Variants in CPXM2 observed in about 807,000 individuals in gnomAD.
CPXM2 encodes carboxypeptidase X, M14 family member 2, also known as inactive carboxypeptidase-like protein X2.
In CPXM2, 66 loss-of-function variants were observed where a neutral mutation model predicts 86.1. The observed-to-expected ratio is 0.77, with a 90% confidence interval of 0.63 to 0.94. The LOEUF is 0.94. CPXM2 is among the 40% of genes least tolerant of loss of function. The pLI, the probability that CPXM2 is intolerant of heterozygous loss-of-function variation, is 0.00. For missense variants in CPXM2, 948 were observed against 1,026.3 expected, an observed-to-expected ratio of 0.92 and a Z score of 1.04; for synonymous variants, 388 against 400.2, an observed-to-expected ratio of 0.97 and a Z score of 0.36.
chr10:123,771,230 C>T (rs727416), intron 7 of CPXM2, among the ~76,000 whole-genome samples, 191 bp from the exon 8 acceptor site: 76,603 of 151,888 alleles, frequency 0.5, 19,777 homozygotes, highest in East Asian at 0.74. Context: ...GGATAATGCC[C>T]ACTTTCCTTC....
intron 6 of CPXM2, among the ~76,000 whole-genome samples, chr10:123,783,303 T>C (rs1334101025): frequency 5.9e-5 from 9 of 152,270 alleles, no homozygotes; most frequent in Non-Finnish European, 1.2e-4. Flanking sequence ...TCTTGAATTC[T>C]TTCTTGCACG....
chr10:123,927,147 C>T (rs541882302), intron 2 of CPXM2, among the ~76,000 whole-genome samples: 29 of 152,316 alleles, frequency 1.9e-4, no homozygotes, highest in Admixed American at 7.8e-4. Context: ...TCCCCTCATG[C>T]ATGCCAAGCT....
chr10:123,783,116 C>T lies in CPXM2; in HGVS notation c.890-2861G>A, dbSNP rs201009881. On this transcript the variant is annotated intron_variant, in intron 6 of 13. Coordinates refer to ENST00000241305, the MANE Select transcript of CPXM2 (RefSeq NM_198148.3). ...GAGGGACCCTCAGTTCCGGGAATTG[C>T]CCACCTCTTTCCCAGAAAACTCATT... is the stretch of plus-strand genomic sequence containing the variant. 1.3e-4 allele frequency among the ~76,000 whole-genome samples: 20 copies of T among 152,372 alleles called. No homozygotes were observed. The East Asian group carries it at 3.9e-3, about 29-fold the overall frequency.
At chr10:123,921,764 C>T (rs1194294618) in intron 2 of CPXM2, among the ~76,000 whole-genome samples, 1 of 152,192 alleles carries the variant, frequency 6.6e-6, no homozygotes, top group African/African-American at 2.4e-5. Context: ...GAATTATAGA[C>T]ATTTAGGGAG....
At chr10:123,918,847 G>A (rs371434002) in intron 2 of CPXM2, among the ~76,000 whole-genome samples, 5 of 152,174 alleles carry the variant, frequency 3.3e-5, no homozygotes. Flanking sequence ...AGTGAGGTGG[G>A]AAGGACGTCT....
chr10:123,918,415 G>A (rs2134276544), intron 2 of CPXM2, among the ~76,000 whole-genome samples: 1 of 152,254 alleles, frequency 6.6e-6, no homozygotes, highest in Admixed American at 6.5e-5. Context: ...AACTATCAGA[G>A]TACTGTGAAA....
chr10:123,914,182 C>T (rs1319130710), intron 2 of CPXM2: 10 of 429,338 alleles, frequency 2.3e-5, no homozygotes, highest in Admixed American at 1.7e-4. Flanking sequence ...CAAGGTCATC[C>T]GGGAACTCTG....
rs539106617 is a variant in CPXM2, at chr10:123,858,326, G to T, written c.513+4288C>A. Among the ~76,000 whole-genome samples, 5 of 152,340 alleles carry T rather than the reference G, an allele frequency of 3.3e-5. No homozygotes were observed. The South Asian group carries it at 1.0e-3, about 32-fold the overall frequency. On this transcript the variant is annotated intron_variant, in intron 3 of 13. Coordinates refer to ENST00000241305, the MANE Select transcript of CPXM2 (RefSeq NM_198148.3). Reference sequence around the variant, plus strand: ...AGACACCGCGCTCACACAGGGTGGGGAATACCCAGAAATGCAAGAGACACA... The same window carrying T: ...AGACACCGCGCTCACACAGGGTGGGTAATACCCAGAAATGCAAGAGACACA...
intron 2 of CPXM2, among the ~76,000 whole-genome samples, chr10:123,924,006 T>C (rs180905922): frequency 7.2e-5 from 11 of 152,348 alleles, no homozygotes; most frequent in Middle Eastern, 3.4e-3. Flanking sequence ...CTAGCTATTA[T>C]ATAGGTCAAA....
intron 2 of CPXM2, among the ~76,000 whole-genome samples, chr10:123,926,015 G>A (rs926904859): frequency 6.6e-6 from 1 of 152,168 alleles, no homozygotes; most frequent in Non-Finnish European, 1.5e-5. Context: ...GGATCTCAGG[G>A]CTAGAAGGAC....
chr10:123,817,592 T>C (rs755317027), intron 4 of CPXM2, among the ~76,000 whole-genome samples: 1 of 152,152 alleles, frequency 6.6e-6, no homozygotes, highest in African/African-American at 2.4e-5. Context: ...CATCATCAAA[T>C]AGAAGTGGTA....
intron 12 of CPXM2, among the ~76,000 whole-genome samples, chr10:123,756,273 C>T (rs1287138075): frequency 6.6e-6 from 1 of 152,224 alleles, no homozygotes; most frequent in Admixed American, 6.5e-5. Context: ...AGGCTTGACA[C>T]TTGTTTCTGT....
At chr10:123,817,709 C>G (rs1054039829) in intron 4 of CPXM2, among the ~76,000 whole-genome samples, 1 of 152,228 alleles carries the variant, frequency 6.6e-6, no homozygotes, top group Admixed American at 6.5e-5. Flanking sequence ...TTCTCTCCCC[C>G]AGACTGCATC....
At chr10:123,886,304 CAGG>C (rs1945177044) in intron 1 of CPXM2, among the ~76,000 whole-genome samples, 1 of 152,066 alleles carries the variant, frequency 6.6e-6, no homozygotes, top group African/African-American at 2.4e-5. Context: ...CCATTTTGCC[CAGG>C]AGAAGACATT....
At chr10:123,833,034 T>C (rs61863834) in intron 4 of CPXM2, among the ~76,000 whole-genome samples, 3,455 of 152,206 alleles carry the variant, frequency 0.023, 73 homozygotes, top group South Asian at 0.09. Context: ...TCAAAAGACA[T>C]GGAACCTGCC....
chr10:123,913,680 GT>G (rs1301430783), intron 2 of CPXM2: 2 of 194,844 alleles, frequency 1.0e-5, no homozygotes, highest in African/African-American at 2.3e-5. Flanking sequence ...GGGCAAGTGG[GT>G]GTGAGGAGAG....
At chr10:123,937,700 C>A (rs183702809) in intron 2 of CPXM2, among the ~76,000 whole-genome samples, 1 of 152,220 alleles carries the variant, frequency 6.6e-6, no homozygotes, top group African/African-American at 2.4e-5. Context: ...GACTGCTTGT[C>A]TGAGAAGGGA....
chr10:123,914,187 A>G, intron 2 of CPXM2: 1 of 425,348 alleles, frequency 2.4e-6, no homozygotes, highest in South Asian at 1.7e-5. Context: ...TCATCCGGGA[A>G]CTCTGTGAAG....
chr10:123,751,905 T>A, intron 13 of CPXM2: 1 of 985,398 alleles, frequency 1.0e-6, no homozygotes, highest in African/African-American at 1.7e-5. Flanking sequence ...CATTAGCTCA[T>A]CAAAACTGTC....
Sources: gnomAD v4.1 joint callset for allele counts (sites outside exome capture counted in the v4.1 genomes callset) on GRCh38, gnomAD v4.1.1 for gene constraint, MANE v1.5 for transcripts, NCBI Gene and HGNC (gene_info 2026-07-23, HGNC 2026-07-21) for gene names.